ADD2: variants seen among roughly 807,000 people sequenced by gnomAD.
The protein encoded by ADD2 is adducin 2, also known as beta-adducin.
A neutral mutation model predicts 83.0 loss-of-function variants in ADD2; 23 were observed. The ratio of observed to expected loss-of-function variants is 0.28; its 90% confidence interval spans 0.20 to 0.39. The LOEUF (loss-of-function observed/expected upper bound fraction) is 0.39. ADD2 is among the 10% of genes least tolerant of loss of function. The pLI is 1.00. For missense variants in ADD2, 758 were observed against 944.9 expected, an observed-to-expected ratio of 0.80 and a Z score of 2.59; for synonymous variants, 375 against 375.4, an observed-to-expected ratio of 1.00 and a Z score of 0.01.
At chr2:70,700,453 T>C (rs1326263453) in intron 4 of ADD2, among the ~76,000 whole-genome samples, 20 of 152,008 alleles carry the variant, frequency 1.3e-4, no homozygotes, top group African/African-American at 4.6e-4. Context: ...GCCAAACATA[T>C]ACTCATAGAA....
At chr2:70,679,015 T>C in intron 10 of ADD2, 54 bp from the exon 11 acceptor site, 1 of 1,517,656 alleles carries the variant, frequency 6.6e-7, no homozygotes, top group East Asian at 2.3e-5. Context: ...GGCCTGTACC[T>C]GCACATACAT....
chr2:70,739,115 G>A lies in ADD2; in HGVS notation c.-153-25931C>T, dbSNP rs895069784. Reference sequence around the variant, plus strand: ...AGAGTAAACAGACAACCTACAGAATGGGCAGAAATATTTGCAAACAGTGTA... The same window carrying A: ...AGAGTAAACAGACAACCTACAGAATAGGCAGAAATATTTGCAAACAGTGTA... On this transcript the variant is annotated intron_variant, in intron 1 of 15. Coordinates refer to ENST00000264436, the MANE Select transcript of ADD2 (RefSeq NM_001617.4). Among the ~76,000 whole-genome samples, 6 of 152,142 alleles carry A rather than the reference G, an allele frequency of 3.9e-5. No homozygotes were observed. In the South Asian group the frequency reaches 1.2e-3, roughly 32 times the overall value.
chr2:70,752,059 G>T (rs1169817347), intron 1 of ADD2, among the ~76,000 whole-genome samples: 1 of 152,144 alleles, frequency 6.6e-6, no homozygotes, highest in Non-Finnish European at 1.5e-5. Flanking sequence ...GTCAAAAATG[G>T]TTTCAAGCCA....
chr2:70,714,570 G>A (rs1308909841), intron 1 of ADD2, among the ~76,000 whole-genome samples: 1 of 152,228 alleles, frequency 6.6e-6, no homozygotes, highest in Non-Finnish European at 1.5e-5. Context: ...CTTAGGAACA[G>A]GTTGCTTCTA....
chr2:70,696,549 G>C (rs1280586030), intron 4 of ADD2, among the ~76,000 whole-genome samples, 153 bp from the exon 5 acceptor site: 1 of 152,156 alleles, frequency 6.6e-6, no homozygotes, highest in Non-Finnish European at 1.5e-5. Context: ...CCTGGGGCAG[G>C]AGTCCACAGA....
At chr2:70,733,168 T>C (rs1206269547) in intron 1 of ADD2, among the ~76,000 whole-genome samples, 1 of 152,238 alleles carries the variant, frequency 6.6e-6, no homozygotes, top group Non-Finnish European at 1.5e-5. Context: ...TGGCATAGGC[T>C]ACAATTTTGC....
chr2:70,708,653 T>C (rs2104395263), intron 2 of ADD2, among the ~76,000 whole-genome samples: 1 of 152,348 alleles, frequency 6.6e-6, no homozygotes, highest in South Asian at 2.1e-4. Flanking sequence ...CACCATCTGC[T>C]ATCATACACT....
intron 14 of ADD2, chr2:70,673,429 G>A (rs1263014988): frequency 2.2e-6 from 2 of 902,808 alleles, no homozygotes; most frequent in African/African-American, 3.3e-5. Context: ...ATTTTTTGCT[G>A]ACTCCCCTTA....
chr2:70,691,511 G>A (rs1553371658), intron 7 of ADD2: 1 of 152,174 alleles, frequency 6.6e-6, no homozygotes, highest in African/African-American at 2.4e-5. Context: ...TACAAGTGCT[G>A]GGGACCAGGG....
chr2:70,756,379 G>A (rs1674791506), intron 1 of ADD2, among the ~76,000 whole-genome samples: 2 of 152,154 alleles, frequency 1.3e-5, no homozygotes, highest in African/African-American at 2.4e-5. Context: ...CTATCTCTGT[G>A]GGTCACTTAC....
Position 70,663,100 on chromosome 2 carries a change from A to G in ADD2, c.*325T>C, listed in dbSNP as rs1309987466. 1.6e-5 allele frequency: 4 copies of G among 254,696 alleles called. No homozygotes were observed. Among genetic ancestry groups the G allele is most frequent in the East Asian group, 8.9e-5 (1 of 11,230 alleles). The allele number at this position is 254,696 out of a possible 1,614,324, so 15.8% of individuals were successfully genotyped here. ...TTTCTGGCCTTCTTGCCCTAGGCTC[A>G]GATTGGTGGACAGCATCCAAACAAA... is the stretch of plus-strand genomic sequence containing the variant. On this transcript the variant is annotated 3_prime_UTR_variant, in exon 16 of 16. Coordinates refer to ENST00000264436, the MANE Select transcript of ADD2 (RefSeq NM_001617.4).
At position 70,684,379 on chromosome 2, in the gene ADD2, C is replaced by T. The variant is rs532768384; in HGVS notation, c.949-612G>A. On this transcript the variant is annotated intron_variant, in intron 9 of 15. Transcript: ENST00000264436. ...CCTCCCACCTCAGCCTCCTGAGTAGCTGGGACTACAGATGTGCACTACCAC... is the reference window on the plus strand; with the variant it reads ...CCTCCCACCTCAGCCTCCTGAGTAGTTGGGACTACAGATGTGCACTACCAC... 2.6e-5 allele frequency among the ~76,000 whole-genome samples: 4 copies of T among 152,284 alleles called. No homozygotes were observed. The South Asian group carries it at 6.2e-4, about 24-fold the overall frequency.
rs199908987 is a variant in ADD2, at chr2:70,663,728, A to C, written c.1878T>G (p.Thr626=). The change falls in exon 16 of 16, where the codon ACT becomes ACG. Residue 626 remains threonine (T), a synonymous_variant. Transcript: ENST00000264436. ...CGGCTTTGCTTGTTTCTGTCTTCTT[A>C]GTACCTTCTAGAAAAAGATCAAAAG... The part of the protein sequence containing the change: ...VSPSKSLEEG[T]KKTETSKAAT... The C allele has an allele frequency of 1.9e-6, 3 of 1,612,344 alleles. No individual in the cohort carries two copies. The highest frequency in any genetic ancestry group is 2.5e-6 in the Non-Finnish European group (3 of 1,179,364).
At chr2:70,728,059 G>A (rs76932399) in intron 1 of ADD2, among the ~76,000 whole-genome samples, 2,389 of 152,232 alleles carry the variant, frequency 0.016, 19 homozygotes, top group Non-Finnish European at 0.021. Context: ...CAAGGGCAAC[G>A]GCAAGGCAGA....
intron 9 of ADD2, among the ~76,000 whole-genome samples, chr2:70,687,777 AC>A (rs1301323209): frequency 6.6e-6 from 1 of 152,188 alleles, no homozygotes; most frequent in Admixed American, 6.5e-5. Context: ...CTGGGCACTG[AC>A]CCCTAAGAAG....
Position 70,768,110 on chromosome 2 carries a change from C to A in ADD2, c.-378G>T. The A allele has an allele frequency of 1.3e-6, 1 of 791,296 alleles. No homozygotes were observed. Among genetic ancestry groups the A allele is most frequent in the Non-Finnish European group, 2.0e-6 (1 of 510,208 alleles). 49.0% of individuals were successfully genotyped at this position (791,296 alleles called of 1,614,324 possible). A position where few individuals can be genotyped will look rare whatever the true frequency, so the allele number is the denominator to read the frequency against. ...ATGACTGGCCACCGACGCCGCAGTT[C>A]CTTGACAAAAGGCTCGGGTTCCCGC... On this transcript the variant is annotated 5_prime_UTR_variant, in exon 1 of 16. Transcript: ENST00000264436.
chr2:70,765,904 T>C (rs549037173), intron 1 of ADD2, among the ~76,000 whole-genome samples: 42 of 152,326 alleles, frequency 2.8e-4, no homozygotes, highest in African/African-American at 1.0e-3. Context: ...AAATCCCTTG[T>C]GGAAGAGGTG....
chr2:70,732,402 TG>T (rs1673330140), intron 1 of ADD2, among the ~76,000 whole-genome samples: 1 of 152,246 alleles, frequency 6.6e-6, no homozygotes, highest in Non-Finnish European at 1.5e-5. Context: ...CAATGATATC[TG>T]GATCAATTGA....
chr2:70,759,301 T>G (rs563549963), intron 1 of ADD2, among the ~76,000 whole-genome samples: 1 of 152,268 alleles, frequency 6.6e-6, no homozygotes, highest in South Asian at 2.1e-4. Flanking sequence ...TACTGCTGGG[T>G]GGAATAGCGT....
Sources: allele counts gnomAD v4.1 joint callset (sites outside exome capture counted in the v4.1 genomes callset), GRCh38; gene constraint gnomAD v4.1.1; transcripts MANE v1.5; gene names NCBI Gene and HGNC (gene_info 2026-07-23, HGNC 2026-07-21).